Variants in KCNMA1 observed in about 807,000 individuals in gnomAD.
KCNMA1 encodes the protein potassium calcium-activated channel subfamily M alpha 1.
In KCNMA1, 29 loss-of-function variants were observed where a neutral mutation model predicts 140.0. That is an observed-to-expected ratio of 0.21 (90% CI 0.15 to 0.28). The LOEUF (loss-of-function observed/expected upper bound fraction) is 0.28. Ranked by LOEUF, KCNMA1 falls within the 10% of genes least tolerant of loss-of-function variation. The pLI is 1.00. For missense variants in KCNMA1, 880 were observed against 1,602.2 expected (o/e 0.55, Z 7.70); for synonymous variants, 612 against 611.9 (o/e 1.00, Z 0.00).
At chr10:76,983,816 G>A (rs1388922146) in intron 19 of KCNMA1, among the ~76,000 whole-genome samples, 5 of 151,414 alleles carry the variant, frequency 3.3e-5, no homozygotes, top group Non-Finnish European at 5.9e-5. Flanking sequence ...CTCCCCTTCT[G>A]TAACCTCAAT....
intron 19 of KCNMA1, among the ~76,000 whole-genome samples, chr10:76,982,816 C>G (rs1289602744): frequency 6.6e-6 from 1 of 152,172 alleles, no homozygotes; most frequent in Non-Finnish European, 1.5e-5. Context: ...CTTTCCTTTC[C>G]AAGGTAAGAA....
chr10:77,084,685 T>C lies in KCNMA1; in HGVS notation c.1475A>G (p.Asn492Ser). 6.2e-7 allele frequency: 1 copy of C among 1,614,166 alleles called. No homozygotes were observed. The highest frequency in any genetic ancestry group is 8.5e-7 in the Non-Finnish European group (1 of 1,180,024). The part of the protein sequence containing the change: ...ESADACLILA[N>S]KYCADPDAED... ...CGCATCCGGGTCAGCGCAGTACTTG[T>C]TGGCAAGGATCAGGCATGCATCTGC... The change falls in exon 12 of 28, where the codon AAC (asparagine) becomes AGC (serine). Residue 492 changes from asparagine to serine, a missense_variant. By Grantham distance (46) the Asn-to-Ser change is conservative. This residue lies in a region of KCNMA1 where 198 missense variants were observed against 580.1 expected (regional missense o/e 0.34). Coordinates refer to ENST00000286628, the MANE Select transcript of KCNMA1 (RefSeq NM_001161352.2).
chr10:77,621,978 C>A (rs1470065707), intron 1 of KCNMA1, among the ~76,000 whole-genome samples: 2 of 152,192 alleles, frequency 1.3e-5, no homozygotes, highest in Admixed American at 6.5e-5. Context: ...ACATACCCCC[C>A]AGCACAGAGA....
Position 77,269,909 on chromosome 10 carries a change from C to G in KCNMA1, c.541-18653G>C, listed in dbSNP as rs1600698247. Among the ~76,000 whole-genome samples the G allele has an allele frequency of 2.0e-5, 3 of 152,318 alleles. No homozygotes were observed. The South Asian group carries it at 6.2e-4, about 32-fold the overall frequency. On this transcript the variant is annotated intron_variant, in intron 2 of 27. Coordinates refer to ENST00000286628, the MANE Select transcript of KCNMA1 (RefSeq NM_001161352.2). ...AGGGAGGCTGCCCCAAGCTGTACCTCTGAGGAGATACAGGTAAGTAGAGGC... is the reference window on the plus strand; with the variant it reads ...AGGGAGGCTGCCCCAAGCTGTACCTGTGAGGAGATACAGGTAAGTAGAGGC...
chr10:77,340,603 A>G (rs1158176157), intron 2 of KCNMA1, among the ~76,000 whole-genome samples: 1 of 151,954 alleles, frequency 6.6e-6, no homozygotes, highest in Non-Finnish European at 1.5e-5. Context: ...TCAGCAAACT[A>G]TCGCAAGGAC....
chr10:77,480,664 G>A (rs1408880365), intron 1 of KCNMA1, among the ~76,000 whole-genome samples: 9 of 152,060 alleles, frequency 5.9e-5, no homozygotes, highest in Non-Finnish European at 4.4e-5. Flanking sequence ...TTTTGAAACC[G>A]CAGGGACTGT....
At chr10:76,960,592 T>C (rs1203422395) in intron 20 of KCNMA1, among the ~76,000 whole-genome samples, 2 of 151,022 alleles carry the variant, frequency 1.3e-5, no homozygotes, top group African/African-American at 2.4e-5. Flanking sequence ...CTTTGCTGTA[T>C]TGCACTTTGC....
intron 25 of KCNMA1, chr10:76,904,819 TGACCACA>T (rs1313586320): frequency 6.6e-6 from 1 of 152,452 alleles, no homozygotes; most frequent in Non-Finnish European, 1.5e-5. Context: ...GGATGCTGTC[TGACCACA>T]GACATTGCAA....
At chr10:77,031,668 C>T (rs1239449580) in intron 15 of KCNMA1, among the ~76,000 whole-genome samples, 11 of 152,082 alleles carry the variant, frequency 7.2e-5, no homozygotes, top group Admixed American at 7.2e-4. Flanking sequence ...GGACTGCATC[C>T]TGTTGCAGAG....
In KCNMA1 at chr10:77,108,198, G is replaced by T. The variant is rs1596110110; in HGVS notation, c.1223+283C>A. The T allele has an allele frequency of 3.8e-6, 4 of 1,044,662 alleles. No individual in the cohort carries two copies. The South Asian group carries it at 5.1e-5, about 13-fold the overall frequency. The allele number at this position is 1,044,662 out of a possible 1,614,324, so 64.7% of individuals were successfully genotyped here. A position where few individuals can be genotyped will look rare whatever the true frequency, so the allele number is the denominator to read the frequency against. On this transcript the variant is annotated intron_variant, in intron 9 of 27. Coordinates refer to ENST00000286628, the MANE Select transcript of KCNMA1 (RefSeq NM_001161352.2). The surrounding 1 kb of genome is among the most constrained non-coding windows in gnomAD (Gnocchi z 4.6). ...CTTCCCTCACAGAAGCACCCGGTGG[G>T]GTTGGGGAGGGGCAGAATTCAGATG...
intron 13 of KCNMA1, among the ~76,000 whole-genome samples, chr10:77,075,783 A>T (rs2096376082): frequency 6.6e-6 from 1 of 152,222 alleles, no homozygotes; most frequent in Non-Finnish European, 1.5e-5. Flanking sequence ...ATCTCTGTGC[A>T]TGAAACAAAG....
chr10:76,989,184 C>T (rs2082084403), intron 19 of KCNMA1, among the ~76,000 whole-genome samples: 1 of 152,122 alleles, frequency 6.6e-6, no homozygotes, highest in South Asian at 2.1e-4. Flanking sequence ...TTTTTCTGTG[C>T]TTTCCTTGAG....
intron 2 of KCNMA1, among the ~76,000 whole-genome samples, chr10:77,314,967 C>T (rs2080421045): frequency 2.9e-5 from 4 of 136,622 alleles, no homozygotes; most frequent in Middle Eastern, 7.9e-3. Flanking sequence ...CACACACACA[C>T]GAAGCAATGT....
intron 24 of KCNMA1, chr10:76,910,567 A>G (rs2049747704): frequency 7.6e-6 from 2 of 261,932 alleles, no homozygotes; most frequent in Non-Finnish European, 1.5e-5. Flanking sequence ...GGCAGATAGC[A>G]AGGAATTCAG....
chr10:77,041,793 C>G (rs2094716846), intron 14 of KCNMA1, among the ~76,000 whole-genome samples: 1 of 152,182 alleles, frequency 6.6e-6, no homozygotes. Flanking sequence ...ACCCCGCCAA[C>G]AGGAAGTGGC....
chr10:77,416,506 C>T (rs540697682), intron 1 of KCNMA1, among the ~76,000 whole-genome samples: 1 of 152,334 alleles, frequency 6.6e-6, no homozygotes, highest in East Asian at 1.9e-4. Context: ...AAGAATTCAA[C>T]CACAGATAGC....
chr10:77,056,190 G>A (rs1252888769), intron 14 of KCNMA1, among the ~76,000 whole-genome samples: 2 of 152,108 alleles, frequency 1.3e-5, no homozygotes, highest in African/African-American at 2.4e-5. Context: ...GACCAGCCTG[G>A]CCAACATGGC....
chr10:76,895,893 T>C (rs1279380167), intron 25 of KCNMA1, among the ~76,000 whole-genome samples: 1 of 152,020 alleles, frequency 6.6e-6, no homozygotes, highest in East Asian at 1.9e-4. Flanking sequence ...AGTGTATGAA[T>C]AGGGTGTGGG....
chr10:77,055,029 A>T (rs898743974), intron 14 of KCNMA1, among the ~76,000 whole-genome samples: 2 of 152,180 alleles, frequency 1.3e-5, no homozygotes, highest in Admixed American at 6.5e-5. Context: ...CATGATGCTG[A>T]TGACCCTGAC....
Sources: allele counts gnomAD v4.1 joint callset (sites outside exome capture counted in the v4.1 genomes callset), GRCh38; gene constraint gnomAD v4.1.1; regional missense constraint gnomAD v4.1.1; non-coding constraint Gnocchi (gnomAD v3.1); transcripts MANE v1.5; gene names NCBI Gene and HGNC (gene_info 2026-07-23, HGNC 2026-07-21).